The following DNAH14 variants were observed in gnomAD, a reference collection of about 807,000 sequenced individuals.
DNAH14 encodes the protein dynein axonemal heavy chain 14.
Under a neutral mutation model 520.9 loss-of-function variants are expected in DNAH14, and 478 were observed. That is an observed-to-expected ratio of 0.92 (90% CI 0.85 to 0.99). The LOEUF (loss-of-function observed/expected upper bound fraction) is 0.99. DNAH14 is among the 50% of genes least tolerant of loss of function. DNAH14 has a pLI of 0.00. For synonymous variants in DNAH14, 1,581 were observed against 1,757.2 expected, an observed-to-expected ratio of 0.90 and a Z score of 2.51; for missense variants, 4,831 against 5,234.5, an observed-to-expected ratio of 0.92 and a Z score of 2.38.
chr1:225,360,444 G>A (rs1414093319), intron 74 of DNAH14, among the ~76,000 whole-genome samples: 1 of 152,212 alleles, frequency 6.6e-6, no homozygotes, highest in Non-Finnish European at 1.5e-5. Flanking sequence ...ACAGGTAGAT[G>A]TCGGAGAAGA....
intron 55 of DNAH14, among the ~76,000 whole-genome samples, chr1:225,293,655 G>T (rs1461189331): frequency 6.6e-6 from 1 of 152,046 alleles, no homozygotes; most frequent in Non-Finnish European, 1.5e-5. Context: ...ACACACTGGG[G>T]CCTTTCAGAG....
rs182856156 is a variant in DNAH14, at chr1:225,033,409, G to T, written c.1359-5285G>T. On this transcript the variant is annotated intron_variant, in intron 11 of 85. Coordinates refer to ENST00000682510, the MANE Select transcript of DNAH14 (RefSeq NM_001367479.1). ...TCATAGATATGGGGCCTCATTTCTG[G>T]GCTCTCTATTCTGTTCCATTGGTCT... Among the ~76,000 whole-genome samples the T allele has an allele frequency of 1.1e-4, 16 of 151,930 alleles. No individual in the cohort carries two copies. In the East Asian group the frequency reaches 2.9e-3, roughly 28 times the overall value.
Position 225,266,747 on chromosome 1 carries a change from A to C in DNAH14, c.7517A>C (p.Asp2506Ala). The part of the protein sequence containing the change: ...RQLLDLGGVY[D>A]TEKNTWKNIQ... The stretch of plus-strand genomic sequence containing the variant: ...TTGTTAGATTTGGGAGGAGTTTATG[A>C]TACTGAAAAAAATACATGGAAGGTA... The change falls in exon 49 of 86, where the codon GAT becomes GCT. Residue 2506 changes from aspartate to alanine, a missense_variant. Coordinates refer to ENST00000682510, the MANE Select transcript of DNAH14 (RefSeq NM_001367479.1). 1 of 1,518,100 alleles carries C rather than the reference A, an allele frequency of 6.6e-7. No homozygotes were observed. Among genetic ancestry groups the C allele is most frequent in the South Asian group, 1.3e-5 (1 of 77,026 alleles). The allele number at this position is 1,518,100 out of a possible 1,614,324, so 94.0% of individuals were successfully genotyped here. A position where few individuals can be genotyped will look rare whatever the true frequency, so the allele number is the denominator to read the frequency against.
In DNAH14 at chr1:225,377,249, G is replaced by T; in HGVS notation, c.12529G>T (p.Val4177Phe). Reference sequence around the variant, plus strand: ...GTTAAATTTTCAGATATGTCTGCCAGTTCCAGGATCTGCAAGCATAAAGGA... The same window carrying T: ...GTTAAATTTTCAGATATGTCTGCCATTTCCAGGATCTGCAAGCATAAAGGA... Reference protein sequence around the residue: ...SFSSDGICLPVPGSASIKDYI... With the variant: ...SFSSDGICLPFPGSASIKDYI... The change falls in exon 79 of 86, where the codon GTT (valine) becomes TTT (phenylalanine). Residue 4177 changes from valine (V) to phenylalanine (F), a missense_variant. Val to Phe is a conservative substitution (Grantham distance 50). Coordinates refer to ENST00000682510, the MANE Select transcript of DNAH14 (RefSeq NM_001367479.1). 7.1e-7 allele frequency: 1 copy of T among 1,401,388 alleles called. No homozygotes were observed. Among genetic ancestry groups the T allele is most frequent in the Non-Finnish European group, 9.4e-7 (1 of 1,067,240 alleles). The allele number at this position is 1,401,388 out of a possible 1,614,324, so 86.8% of individuals were successfully genotyped here.
chr1:225,355,042 G>C (rs1173037097), intron 73 of DNAH14, among the ~76,000 whole-genome samples: 1 of 152,048 alleles, frequency 6.6e-6, no homozygotes, highest in Non-Finnish European at 1.5e-5. Context: ...ATCTTGCTTA[G>C]AAGACTTCTG....
chr1:224,983,977 C>T (rs1048273535), intron 8 of DNAH14, among the ~76,000 whole-genome samples: 2 of 152,114 alleles, frequency 1.3e-5, no homozygotes, highest in African/African-American at 4.8e-5. Flanking sequence ...CAAAAGCAAT[C>T]TACAAATTCA....
intron 21 of DNAH14, among the ~76,000 whole-genome samples, chr1:225,088,910 A>G (rs1191645906): frequency 6.6e-6 from 1 of 152,206 alleles, no homozygotes; most frequent in Non-Finnish European, 1.5e-5. Context: ...AACTGGAATA[A>G]CCATTATATG....
At chr1:225,285,781 C>T (rs888050244) in intron 54 of DNAH14, among the ~76,000 whole-genome samples, 1 of 152,058 alleles carries the variant, frequency 6.6e-6, no homozygotes, top group African/African-American at 2.4e-5. Flanking sequence ...CACTTAAGCC[C>T]AGGAATTCAC....
Position 225,289,911 on chromosome 1 carries a change from A to G in DNAH14, c.8298A>G (p.Lys2766=), listed in dbSNP as rs1331672988. 1 of 1,447,590 alleles carries G rather than the reference A, an allele frequency of 6.9e-7. No individual in the cohort carries two copies. Among genetic ancestry groups the G allele is most frequent in the Non-Finnish European group, 9.2e-7 (1 of 1,091,726 alleles). 89.7% of individuals were successfully genotyped at this position (1,447,590 alleles called of 1,614,324 possible). ...TTGGAATAGATGGATGTGGGAAAAA[A>G]ACATGTGCAACCTTGGCCTGTTATT... ...LLIGIDGCGK[K]TCATLACYLT... The change falls in exon 55 of 86, where the codon AAA becomes AAG. Residue 2766 remains lysine (K), a synonymous_variant. Coordinates refer to ENST00000682510, the MANE Select transcript of DNAH14 (RefSeq NM_001367479.1).
intron 54 of DNAH14, among the ~76,000 whole-genome samples, chr1:225,287,214 GA>G (rs1026520450): frequency 6.6e-6 from 1 of 151,586 alleles, no homozygotes; most frequent in Non-Finnish European, 1.5e-5. Context: ...TACAAATTTA[GA>G]AAAAAAAGTC....
In DNAH14 at chr1:225,374,882, T is replaced by G; in HGVS notation, c.12513T>G (p.Asp4171Glu). 6.5e-7 allele frequency: 1 copy of G among 1,547,288 alleles called. No homozygotes were observed. Among genetic ancestry groups the G allele is most frequent in the Non-Finnish European group, 8.7e-7 (1 of 1,143,908 alleles). Residue 4171 changes from aspartate (D) to glutamate (E), a missense_variant, in exon 78 of 86, where the codon GAT (aspartate) becomes GAG (glutamate). Transcript: ENST00000682510. The stretch of plus-strand genomic sequence containing the variant: ...AAGATGACTTCAGTTTCTCCAGTGA[T>G]GGGGTAGGAAAAGAATCAATCTTCT... ...VLKDDFSFSS[D>E]GICLPVPGSA...
chr1:225,333,297 T>C lies in DNAH14; in HGVS notation c.9871T>C (p.Trp3291Arg), dbSNP rs1228139056. The C allele has an allele frequency of 6.5e-7, 1 of 1,550,260 alleles. No individual in the cohort carries two copies. Among genetic ancestry groups the C allele is most frequent in the African/African-American group, 1.4e-5 (1 of 72,996 alleles). ...TTTCTATTTTAACATTTAGACTCGA[T>C]GGCAAGAAACAATCAATCAAATAGA... Reference protein sequence around the residue: ...LTVLEDEKTRWQETINQIDNK... With the variant: ...LTVLEDEKTRRQETINQIDNK... Residue 3291 changes from tryptophan (W) to arginine (R), a missense_variant, in exon 66 of 86, where the codon TGG (tryptophan) becomes CGG (arginine). Physicochemically the swap from Trp to Arg is moderately radical, Grantham distance 101 (BLOSUM62 -3). Coordinates refer to ENST00000682510, the MANE Select transcript of DNAH14 (RefSeq NM_001367479.1).
Position 225,303,210 on chromosome 1 carries a change from T to C in DNAH14, c.8686T>C (p.Phe2896Leu). Residue 2896 changes from phenylalanine (F) to leucine (L), a missense_variant, in exon 57 of 86, where the codon TTC (phenylalanine) becomes CTC (leucine). Physicochemically the swap from Phe to Leu is conservative, Grantham distance 22. Transcript: ENST00000682510. ...GATCATGAGTCCTGAAGGACCTAGC[T>C]TCCGCCAAAATTGTAGAGTGTATCC... ...FVIMSPEGPS[F>L]RQNCRVYPSM... 2 of 1,542,038 alleles carry C rather than the reference T, an allele frequency of 1.3e-6. No individual in the cohort carries two copies. Among genetic ancestry groups the C allele is most frequent in the South Asian group, 1.2e-5 (1 of 81,030 alleles).
intron 1 of DNAH14, among the ~76,000 whole-genome samples, chr1:224,945,245 A>G (rs1017784703): frequency 6.6e-6 from 1 of 151,146 alleles, no homozygotes; most frequent in Non-Finnish European, 1.5e-5. Context: ...CATTCATTTG[A>G]TCTTCCATCA....
At chr1:225,213,393 C>CT (rs1559310718) in intron 41 of DNAH14, among the ~76,000 whole-genome samples, 1 of 152,062 alleles carries the variant, frequency 6.6e-6, no homozygotes, top group Non-Finnish European at 1.5e-5. Flanking sequence ...AATGGGGGCT[C>CT]TTTTTTGGTT....
chr1:225,007,502 C>T lies in DNAH14; in HGVS notation c.1065C>T (p.Ile355=). The T allele has an allele frequency of 6.5e-7, 1 of 1,537,794 alleles. No homozygotes were observed. The highest frequency in any genetic ancestry group is 8.8e-7 in the Non-Finnish European group (1 of 1,139,256). ...ATQALKQLED[I]RNKAISEMKS... ...AGGCATTGAAACAACTTGAGGACAT[C>T]AGGAATAAAGCAATTTCAGAGATGA... Residue 355 remains isoleucine (I), a synonymous_variant, in exon 10 of 86, where the codon ATC becomes ATT. Transcript: ENST00000682510.
chr1:225,328,461 A>T, intron 64 of DNAH14, among the ~76,000 whole-genome samples: 1 of 152,158 alleles, frequency 6.6e-6, no homozygotes, highest in African/African-American at 2.4e-5. Flanking sequence ...TATACTTAAA[A>T]TGTATATTTT....
intron 43 of DNAH14, among the ~76,000 whole-genome samples, chr1:225,247,222 G>C (rs1490049736): frequency 6.6e-6 from 1 of 151,826 alleles, no homozygotes; most frequent in African/African-American, 2.4e-5. Context: ...ACTGGGGCCT[G>C]TTGCGGGGTG....
chr1:225,208,062 C>A (rs2087828052), intron 41 of DNAH14, among the ~76,000 whole-genome samples: 1 of 152,076 alleles, frequency 6.6e-6, no homozygotes, highest in Non-Finnish European at 1.5e-5. Context: ...CTCCTACTGC[C>A]ACCCCCCTTC....
Sources: allele counts gnomAD v4.1 joint callset (sites outside exome capture counted in the v4.1 genomes callset), GRCh38; gene constraint gnomAD v4.1.1; transcripts MANE v1.5; gene names NCBI Gene and HGNC (gene_info 2026-07-23, HGNC 2026-07-21).